Variants in PVT1 observed in about 807,000 individuals in gnomAD.
PVT1 encodes the protein Pvt1 oncogene, also known as CXCR4/PVT1 fusion.
intron 3 of PVT1, among the ~76,000 whole-genome samples, chr8:127,982,743 C>A (rs777113547): frequency 6.6e-6 from 1 of 151,932 alleles, no homozygotes; most frequent in Admixed American, 6.5e-5. Flanking sequence ...ATCAGTAAAG[C>A]ATTTACAAGA....
chr8:128,040,878 G>C (rs1158449779), intron 4 of PVT1, among the ~76,000 whole-genome samples: 2 of 150,334 alleles, frequency 1.3e-5, no homozygotes, highest in African/African-American at 4.9e-5. Context: ...TTGTTTACGT[G>C]CATGTGTTTG....
chr8:127,922,004 G>A (rs1189860587), intron 3 of PVT1, among the ~76,000 whole-genome samples: 1 of 151,058 alleles, frequency 6.6e-6, no homozygotes, highest in African/African-American at 2.4e-5. Context: ...AGGACTACAA[G>A]CATGTGCCAC....
At chr8:127,812,934 C>T (rs1814614920) in intron 2 of PVT1, among the ~76,000 whole-genome samples, 1 of 151,846 alleles carries the variant, frequency 6.6e-6, no homozygotes, top group African/African-American at 2.4e-5. Context: ...TCTGCAAGAG[C>T]CCAGTCCATG....
chr8:128,025,649 C>T (rs1279334137), intron 4 of PVT1, among the ~76,000 whole-genome samples: 1 of 152,186 alleles, frequency 6.6e-6, no homozygotes, highest in African/African-American at 2.4e-5. Context: ...AGCTCCCTTC[C>T]TGTTGGAACC....
chr8:127,926,954 G>A (rs1284580664), intron 3 of PVT1, among the ~76,000 whole-genome samples: 1 of 152,160 alleles, frequency 6.6e-6, no homozygotes, highest in African/African-American at 2.4e-5. Flanking sequence ...CCTTGGCACT[G>A]TTCCCCCCTT....
intron 3 of PVT1, among the ~76,000 whole-genome samples, chr8:127,969,001 A>G (rs1816734276): frequency 6.6e-6 from 1 of 152,178 alleles, no homozygotes; most frequent in South Asian, 2.1e-4. Context: ...AGCCTCCAGA[A>G]CAGTGAGAGA....
At chr8:128,008,811 G>A (rs529134161) in intron 4 of PVT1, 305 of 433,342 alleles carry the variant, frequency 7.0e-4, no homozygotes, top group Admixed American at 1.5e-3. Context: ...GATTGAAGGG[G>A]CTCCCTGCAG....
intron 2 of PVT1, among the ~76,000 whole-genome samples, chr8:127,868,332 T>A (rs1205230105): frequency 1.3e-5 from 2 of 152,082 alleles, no homozygotes; most frequent in African/African-American, 4.8e-5. Flanking sequence ...ATTTCCAGAA[T>A]CCAGGCATAT....
chr8:127,805,816 G>A (rs545787037), intron 2 of PVT1, among the ~76,000 whole-genome samples: 1 of 152,162 alleles, frequency 6.6e-6, no homozygotes, highest in Non-Finnish European at 1.5e-5. Context: ...ATAATATGAA[G>A]GGATGGTTAT....
intron 2 of PVT1, among the ~76,000 whole-genome samples, chr8:127,847,926 T>G (rs1250835290): frequency 6.6e-6 from 1 of 151,820 alleles, no homozygotes; most frequent in African/African-American, 2.4e-5. Context: ...TTTTCAGAGA[T>G]AAGGTTTCAC....
At chr8:128,012,323 T>G (rs1300034427) in intron 4 of PVT1, among the ~76,000 whole-genome samples, 2 of 152,194 alleles carry the variant, frequency 1.3e-5, no homozygotes, top group African/African-American at 2.4e-5. Context: ...AAGGTGGAAA[T>G]AATATTTTCT....
intron 3 of PVT1, among the ~76,000 whole-genome samples, chr8:127,895,710 T>G (rs1244708755): frequency 1.3e-5 from 2 of 152,194 alleles, no homozygotes; most frequent in Non-Finnish European, 2.9e-5. Context: ...AACATTACGT[T>G]TAGCTCTGAG....
chr8:127,957,188 A>G (rs1816579820), intron 3 of PVT1, among the ~76,000 whole-genome samples: 1 of 152,138 alleles, frequency 6.6e-6, no homozygotes, highest in Non-Finnish European at 1.5e-5. Context: ...GGCAGGATCC[A>G]CACTCTGCTC....
intron 3 of PVT1, among the ~76,000 whole-genome samples, chr8:127,944,922 G>T (rs1005312218): frequency 6.6e-6 from 1 of 152,160 alleles, no homozygotes; most frequent in Non-Finnish European, 1.5e-5. Flanking sequence ...GTCCAGGCCC[G>T]ATTGTAATGG....
chr8:127,813,875 C>G (rs1388289914), intron 2 of PVT1, among the ~76,000 whole-genome samples: 1 of 152,182 alleles, frequency 6.6e-6, no homozygotes, highest in African/African-American at 2.4e-5. Context: ...CTCTGCCTTC[C>G]AGGTTCAAGC....
At chr8:128,003,703 A>G (rs889411942) in intron 4 of PVT1, among the ~76,000 whole-genome samples, 1 of 152,224 alleles carries the variant, frequency 6.6e-6, no homozygotes, top group East Asian at 1.9e-4. Flanking sequence ...AGGCATTCAT[A>G]TGCATATGTG....
intron 2 of PVT1, among the ~76,000 whole-genome samples, chr8:127,811,934 T>C: frequency 6.6e-6 from 1 of 152,042 alleles, no homozygotes; most frequent in Non-Finnish European, 1.5e-5. Context: ...TGAACAATTA[T>C]AGCAAAATTG....
At chr8:127,960,728 G>C (rs978304640) in intron 3 of PVT1, 1 of 499,382 alleles carries the variant, frequency 2.0e-6, no homozygotes, top group African/African-American at 2.0e-5. Context: ...CTGAGGCATA[G>C]ATAACTGTTT....
In PVT1 at chr8:128,067,953, G is replaced by GT. The variant is rs34269945; in HGVS notation, n.913-2194dup. On this transcript the variant is annotated intron_variant and non_coding_transcript_variant, in intron 4 of 10. Transcript: ENST00000651587. ...CTATTCTTGGACTAACATACTTTGT[G>GT]TTTTTTTTTTTTTGGTTATCTTATT... 9.1e-3 allele frequency among the ~76,000 whole-genome samples: 1,302 copies of GT among 142,626 alleles called. 15 individuals carry two copies. Among genetic ancestry groups the GT allele is most frequent in the Middle Eastern group, 0.033 (9 of 274 alleles). The allele number at this position is 142,626 out of a possible 152,430, so 93.6% of individuals were successfully genotyped here.
Sources: allele counts gnomAD v4.1 joint callset (sites outside exome capture counted in the v4.1 genomes callset), GRCh38; gene constraint gnomAD v4.1.1; transcripts MANE v1.5; gene names NCBI Gene and HGNC (gene_info 2026-07-23, HGNC 2026-07-21).